MAGED1: variants seen among roughly 807,000 people sequenced by gnomAD.
The protein encoded by MAGED1 is melanoma-associated antigen D1.
In MAGED1, 3 loss-of-function variants were observed where a neutral mutation model predicts 54.1. The observed-to-expected ratio is 0.06, with a 90% CI of 0.03 to 0.14. MAGED1 has a LOEUF of 0.14. Ranked by LOEUF, MAGED1 falls within the 10% of genes least tolerant of loss-of-function variation. The pLI is 1.00. For missense variants in MAGED1, 485 were observed against 623.4 expected, an observed-to-expected ratio of 0.78 and a Z score of 2.36; for synonymous variants, 217 against 227.3, an observed-to-expected ratio of 0.95 and a Z score of 0.41.
At chrX:51,868,479 G>T (rs1470836208) in intron 1 of MAGED1, among the ~76,000 whole-genome samples, 1 of 111,408 alleles carries the variant, frequency 9.0e-6, no homozygotes, top group African/African-American at 3.3e-5. Flanking sequence ...TGTGGCCAAG[G>T]TATGTGTGAT....
chrX:51,830,226 C>T (rs1557357297), intron 1 of MAGED1, among the ~76,000 whole-genome samples: 1 of 111,147 alleles, frequency 9.0e-6, no homozygotes, highest in Non-Finnish European at 1.9e-5. Flanking sequence ...AAACTTAAAA[C>T]ATACAAAAAT....
At chrX:51,871,398 A>G (rs1239157042) in intron 1 of MAGED1, among the ~76,000 whole-genome samples, 1 of 109,461 alleles carries the variant, frequency 9.1e-6, no homozygotes, top group Admixed American at 9.7e-5. Context: ...CATTAGGTAT[A>G]TCTCCTAATG....
At chrX:51,829,717 A>G (rs963903755) in intron 1 of MAGED1, among the ~76,000 whole-genome samples, 20 of 111,642 alleles carry the variant, frequency 1.8e-4, no homozygotes, top group Non-Finnish European at 2.4e-4. Flanking sequence ...AATGTGGTCA[A>G]TTGCACTAAT....
chrX:51,884,688 A>G (rs2147004968), intron 1 of MAGED1, among the ~76,000 whole-genome samples: 1 of 112,239 alleles, frequency 8.9e-6, no homozygotes, highest in African/African-American at 3.2e-5. Context: ...AAACTTACAC[A>G]TTAATATGTC....
chrX:51,860,270 GA>G (rs1256461672), intron 1 of MAGED1, among the ~76,000 whole-genome samples: 1 of 111,149 alleles, frequency 9.0e-6, no homozygotes, highest in African/African-American at 3.3e-5. Flanking sequence ...GTCTCAAAAA[GA>G]AAAGAAAAAA....
At chrX:51,884,568 AG>A (rs1276036424) in intron 1 of MAGED1, among the ~76,000 whole-genome samples, 1 of 112,324 alleles carries the variant, frequency 8.9e-6, no homozygotes, top group Non-Finnish European at 1.9e-5. Flanking sequence ...TGTTCAAAGA[AG>A]GATGAACAGC....
intron 1 of MAGED1, among the ~76,000 whole-genome samples, chrX:51,830,578 G>C (rs1351026549): frequency 9.1e-6 from 1 of 109,864 alleles, no homozygotes; most frequent in Non-Finnish European, 1.9e-5. Flanking sequence ...GGTAGTACCT[G>C]GAGAAAGATG....
At chrX:51,845,921 GCATAC>G (rs1379954850) in intron 1 of MAGED1, among the ~76,000 whole-genome samples, 1 of 110,757 alleles carries the variant, frequency 9.0e-6, no homozygotes, top group East Asian at 2.9e-4. Flanking sequence ...TACTACAGGT[GCATAC>G]CACCACGCCC....
chrX:51,810,605 C>T (rs189316149), intron 1 of MAGED1, among the ~76,000 whole-genome samples: 42 of 111,789 alleles, frequency 3.8e-4, no homozygotes, highest in Admixed American at 5.7e-4. Flanking sequence ...TGAGCAAATA[C>T]GCAGTGTCTA....
At chrX:51,821,410 A>C in intron 1 of MAGED1, among the ~76,000 whole-genome samples, 1 of 110,924 alleles carries the variant, frequency 9.0e-6, no homozygotes, top group South Asian at 3.9e-4. Flanking sequence ...TTATTATTAG[A>C]GACAGGGTCT....
At chrX:51,856,077 C>T (rs782328219) in intron 1 of MAGED1, among the ~76,000 whole-genome samples, 12 of 112,403 alleles carry the variant, frequency 1.1e-4, no homozygotes, top group African/African-American at 3.6e-4. Context: ...AGAATTCCCA[C>T]TTGTCGATAA....
In MAGED1 at chrX:51,895,097, G is replaced by A. The variant is rs1557364033; in HGVS notation, c.90G>A (p.Leu30=). 2 of 1,211,877 alleles carry A rather than the reference G, an allele frequency of 1.7e-6. No individual in the cohort carries two copies. The highest frequency in any genetic ancestry group is 1.7e-5 in the African/African-American group (1 of 57,858). ...ACAGCGCCTTGCTTATGCAGACCTT[G>A]ATGGAGGCCATCCAGATCTCAGAGG... ...VEDSALLMQT[L]MEAIQISEAP... is the part of the protein sequence containing the mutation. Residue 30 remains leucine, a synonymous_variant, in exon 3 of 13, where the codon TTG becomes TTA. Coordinates refer to ENST00000326587, the MANE Select transcript of MAGED1 (RefSeq NM_006986.4).
intron 1 of MAGED1, among the ~76,000 whole-genome samples, chrX:51,827,986 T>C (rs1435371151): frequency 8.9e-6 from 1 of 111,777 alleles, no homozygotes; most frequent in African/African-American, 3.2e-5. Flanking sequence ...TTTTTCAGAG[T>C]TGTGATAGCT....
chrX:51,901,503 T>C, intron 11 of MAGED1, 50 bp from the exon 12 acceptor site: 1 of 1,095,842 alleles, frequency 9.1e-7, no homozygotes, highest in Non-Finnish European at 1.2e-6. Flanking sequence ...TGATTCCATA[T>C]CTTGGCTATT....
chrX:51,823,019 G>A (rs1231165068), intron 1 of MAGED1, among the ~76,000 whole-genome samples: 1 of 111,862 alleles, frequency 8.9e-6, no homozygotes, highest in Non-Finnish European at 1.9e-5. Context: ...TGTGGTTGGT[G>A]AAGATACTTT....
intron 1 of MAGED1, among the ~76,000 whole-genome samples, chrX:51,852,319 C>G (rs1557359837): frequency 8.9e-6 from 1 of 111,919 alleles, no homozygotes; most frequent in African/African-American, 3.3e-5. Flanking sequence ...AGAATCTTAA[C>G]TCAGTCACAT....
chrX:51,885,552 T>C (rs1557362754), intron 1 of MAGED1, among the ~76,000 whole-genome samples: 5 of 111,512 alleles, frequency 4.5e-5, no homozygotes, highest in South Asian at 7.5e-4. Context: ...TCTCTTCACT[T>C]TGTTGATTGT....
intron 1 of MAGED1, among the ~76,000 whole-genome samples, chrX:51,874,469 AC>A (rs1315525437): frequency 9.0e-6 from 1 of 111,154 alleles, no homozygotes; most frequent in East Asian, 2.8e-4. Flanking sequence ...GAACAAAGGG[AC>A]TTATGCTCTG....
chrX:51,869,909 G>C (rs1251873106), intron 1 of MAGED1, among the ~76,000 whole-genome samples: 2 of 110,985 alleles, frequency 1.8e-5, no homozygotes, highest in Non-Finnish European at 3.8e-5. Flanking sequence ...TCTTGCCCTG[G>C]CGCCCAGGCT....
Sources: allele counts gnomAD v4.1 joint callset (sites outside exome capture counted in the v4.1 genomes callset), GRCh38; gene constraint gnomAD v4.1.1; transcripts MANE v1.5; gene names NCBI Gene and HGNC (gene_info 2026-07-23, HGNC 2026-07-21).